Variants in SPMIP2 observed in about 807,000 individuals in gnomAD.
SPMIP2 encodes sperm microtubule inner protein 2, also known as protein SPMIP2.
chr4:158,961,488 G>C, the SPMIP2 span, among the ~76,000 whole-genome samples: 1 of 152,026 alleles, frequency 6.6e-6, no homozygotes, highest in Non-Finnish European at 1.5e-5. Context: ...GCATATAATA[G>C]AAAGATCATG....
chr4:158,993,379 G>GA, the SPMIP2 span, among the ~76,000 whole-genome samples: 3 of 148,034 alleles, frequency 2.0e-5, no homozygotes, highest in South Asian at 2.1e-4. Flanking sequence ...AAAAAAAGAA[G>GA]AAAAAAAAGA....
chr4:158,905,871 TCAAG>T, the SPMIP2 span: 2 of 152,208 alleles, frequency 1.3e-5, no homozygotes, highest in Non-Finnish European at 2.9e-5. Context: ...TTTGCAGATC[TCAAG>T]CAGTTAACCA....
chr4:158,912,479 G>A, the SPMIP2 span, among the ~76,000 whole-genome samples: 1 of 152,170 alleles, frequency 6.6e-6, no homozygotes, highest in African/African-American at 2.4e-5. Flanking sequence ...TTCTACTTAA[G>A]AGACTTTCAG....
the SPMIP2 span, among the ~76,000 whole-genome samples, chr4:159,008,378 G>A: frequency 1.7e-4 from 26 of 152,290 alleles, no homozygotes; most frequent in South Asian, 4.1e-4. Context: ...TTCGAGACCA[G>A]CCTGACCAAC....
the SPMIP2 span, among the ~76,000 whole-genome samples, chr4:159,041,658 T>C: frequency 6.6e-6 from 1 of 152,220 alleles, no homozygotes; most frequent in East Asian, 1.9e-4. Context: ...TGTCATCTCA[T>C]TCATGGTGTT....
At chr4:159,002,766 G>GCACACA in the SPMIP2 span, among the ~76,000 whole-genome samples, 5,850 of 148,154 alleles carry the variant, frequency 0.039, 187 homozygotes, top group African/African-American at 0.094. Flanking sequence ...ACATATCACT[G>GCACACA]CACACACACA....
chr4:159,061,041 C>A, the SPMIP2 span, among the ~76,000 whole-genome samples: 1 of 150,462 alleles, frequency 6.6e-6, no homozygotes, highest in South Asian at 2.1e-4. Flanking sequence ...GCTAAGACTG[C>A]ACCACTGCAC....
At chr4:158,941,092 A>G in the SPMIP2 span, among the ~76,000 whole-genome samples, 3 of 152,216 alleles carry the variant, frequency 2.0e-5, no homozygotes, top group Non-Finnish European at 4.4e-5. Flanking sequence ...CTCTATGTCT[A>G]GGCCTTTACA....
chr4:158,972,583 C>T, the SPMIP2 span, among the ~76,000 whole-genome samples: 1 of 152,172 alleles, frequency 6.6e-6, no homozygotes, highest in East Asian at 1.9e-4. Flanking sequence ...ATGTCTACAT[C>T]ACCAAAAGGA....
the SPMIP2 span, among the ~76,000 whole-genome samples, chr4:159,015,052 G>GA: frequency 1.3e-5 from 2 of 152,098 alleles, no homozygotes; most frequent in African/African-American, 4.8e-5. Flanking sequence ...TGAATTACAG[G>GA]AAAATCAGCT....
chr4:159,062,279 A>C, the SPMIP2 span, among the ~76,000 whole-genome samples: 1 of 152,200 alleles, frequency 6.6e-6, no homozygotes, highest in Non-Finnish European at 1.5e-5. Context: ...CATAGATTTG[A>C]AACTAAGGTA....
At chr4:158,922,710 A>G in the SPMIP2 span, among the ~76,000 whole-genome samples, 21 of 152,218 alleles carry the variant, frequency 1.4e-4, no homozygotes, top group African/African-American at 4.8e-4. Flanking sequence ...AGACATTTTC[A>G]CCAACCCCAA....
the SPMIP2 span, among the ~76,000 whole-genome samples, chr4:159,023,093 T>C: frequency 6.6e-6 from 1 of 151,254 alleles, no homozygotes; most frequent in Non-Finnish European, 1.5e-5. Context: ...AAAATATATG[T>C]ATATAGTGTG....
At chr4:158,958,817 T>C in the SPMIP2 span, among the ~76,000 whole-genome samples, 1 of 152,178 alleles carries the variant, frequency 6.6e-6, no homozygotes, top group East Asian at 1.9e-4. Flanking sequence ...TTCAGGTTAT[T>C]GGTGTCTGAC....
the SPMIP2 span, among the ~76,000 whole-genome samples, chr4:158,895,103 A>G: frequency 1.3e-5 from 2 of 152,208 alleles, no homozygotes; most frequent in Non-Finnish European, 2.9e-5. Context: ...CTCTAAAAAA[A>G]TGAAGCTGAA....
the SPMIP2 span, among the ~76,000 whole-genome samples, chr4:158,962,396 TCTATAA>T: frequency 3.3e-5 from 5 of 152,202 alleles, no homozygotes; most frequent in African/African-American, 7.2e-5. Flanking sequence ...ATTTTCCATC[TCTATAA>T]CTATGAGTCT....
chr4:158,994,966 G>C, the SPMIP2 span, among the ~76,000 whole-genome samples: 1 of 152,162 alleles, frequency 6.6e-6, no homozygotes, highest in Non-Finnish European at 1.5e-5. Flanking sequence ...CCTAACCACT[G>C]AAAGAACTGA....
chr4:159,017,465 CAG>C, the SPMIP2 span, among the ~76,000 whole-genome samples: 6 of 151,816 alleles, frequency 4.0e-5, no homozygotes, highest in African/African-American at 1.5e-4. Flanking sequence ...TTTTAAGAGA[CAG>C]AGTCTCACTT....
At chr4:158,910,493 G>A in the SPMIP2 span, among the ~76,000 whole-genome samples, 1 of 151,816 alleles carries the variant, frequency 6.6e-6, no homozygotes, top group African/African-American at 2.4e-5. Flanking sequence ...GGCTGGTCTT[G>A]AACTCCCGAC....
Sources: allele counts gnomAD v4.1 joint callset (sites outside exome capture counted in the v4.1 genomes callset), GRCh38; gene constraint gnomAD v4.1.1; transcripts MANE v1.5; gene names NCBI Gene and HGNC (gene_info 2026-07-23, HGNC 2026-07-21).